Variants in SOS1 observed in about 807,000 individuals in gnomAD.
The protein encoded by SOS1 is son of sevenless homolog 1.
In SOS1, 25 loss-of-function variants were observed where a neutral mutation model predicts 157.6. That is an observed-to-expected ratio of 0.16 (90% confidence interval 0.12 to 0.22). The LOEUF is 0.22. Among genes scored for constraint, SOS1 ranks in the 10% least tolerant of loss-of-function variants. The pLI, the probability that SOS1 is intolerant of heterozygous loss-of-function variation, is 1.00. For missense variants in SOS1, 1,237 were observed against 1,599.1 expected (o/e 0.77, Z 3.86); for synonymous variants, 528 against 534.0 (o/e 0.99, Z 0.16).
At chr2:39,025,407 C>T (rs931078672) in intron 8 of SOS1, among the ~76,000 whole-genome samples, 3 of 151,306 alleles carry the variant, frequency 2.0e-5, no homozygotes, top group African/African-American at 4.9e-5. Flanking sequence ...TAGGGTGCAG[C>T]GGTGCAATCT....
At chr2:39,004,485 CAAAT>C (rs561241844) in intron 17 of SOS1, among the ~76,000 whole-genome samples, 2 of 131,274 alleles carry the variant, frequency 1.5e-5, no homozygotes, top group East Asian at 4.7e-4. Flanking sequence ...CCTAGATTAA[CAAAT>C]AAATAATTTG....
intron 13 of SOS1, among the ~76,000 whole-genome samples, chr2:39,012,679 A>G (rs1030143358): frequency 1.3e-5 from 2 of 152,170 alleles, no homozygotes; most frequent in African/African-American, 4.8e-5. Flanking sequence ...ATAATCCTCC[A>G]AGAAAAGGTA....
chr2:39,002,042 C>A (rs577216293), intron 17 of SOS1, among the ~76,000 whole-genome samples: 1 of 152,152 alleles, frequency 6.6e-6, no homozygotes, highest in Non-Finnish European at 1.5e-5. Context: ...TATGGCCAGG[C>A]GCAGTGGCTC....
At chr2:39,105,808 G>C (rs1454137025) in intron 1 of SOS1, among the ~76,000 whole-genome samples, 1 of 152,178 alleles carries the variant, frequency 6.6e-6, no homozygotes, top group Non-Finnish European at 1.5e-5. Context: ...GCTGAGGTAG[G>C]AGAGTCACTA....
chr2:38,991,883 T>C (rs1390049999), intron 20 of SOS1, among the ~76,000 whole-genome samples: 3 of 152,158 alleles, frequency 2.0e-5, no homozygotes, highest in Admixed American at 6.5e-5. Context: ...CTGAAATAAT[T>C]AATTATAGGT....
At chr2:39,018,900 C>G (rs1162083743) in intron 10 of SOS1, among the ~76,000 whole-genome samples, 1 of 151,796 alleles carries the variant, frequency 6.6e-6, no homozygotes, top group African/African-American at 2.4e-5. Flanking sequence ...AGACGCTATG[C>G]TGACGCACAA....
chr2:39,007,337 C>A, intron 15 of SOS1, 144 bp from the exon 16 acceptor site: 1 of 635,728 alleles, frequency 1.6e-6, no homozygotes, highest in African/African-American at 1.8e-5. Flanking sequence ...TTCAGGGTGA[C>A]TGATAGAAGG....
chr2:39,045,319 A>G (rs1670741254), intron 6 of SOS1, among the ~76,000 whole-genome samples: 3 of 141,278 alleles, frequency 2.1e-5, no homozygotes, highest in Admixed American at 1.5e-4. Context: ...CAAATGTGTT[A>G]GTCTAATCTT....
intron 17 of SOS1, among the ~76,000 whole-genome samples, chr2:39,005,355 T>C (rs1177676107): frequency 1.3e-5 from 2 of 152,040 alleles, no homozygotes; most frequent in African/African-American, 4.8e-5. Flanking sequence ...AAAAATAGTA[T>C]AAATGAAAAT....
chr2:39,035,456 C>T lies in SOS1; in HGVS notation c.909G>A (p.Leu303=). Reference sequence around the variant, plus strand: ...GGAAACGATCATGAAAACCAGGTCGCAAAATATCTCGAGCATACGATTCAT... The same window carrying T: ...GGAAACGATCATGAAAACCAGGTCGTAAAATATCTCGAGCATACGATTCAT... ...DPYESYARDI[L]RPGFHDRFLS... The change falls in exon 7 of 23, where the codon TTG becomes TTA. Residue 303 remains leucine (L), a synonymous_variant. Transcript: ENST00000402219. The T allele has an allele frequency of 6.2e-7, 1 of 1,613,716 alleles. No homozygotes were observed. The highest frequency in any genetic ancestry group is 2.2e-5 in the East Asian group (1 of 44,866).
At chr2:39,023,364 T>C (rs540875255) in intron 9 of SOS1, 139 bp from the exon 10 acceptor site, 92 of 598,834 alleles carry the variant, frequency 1.5e-4, no homozygotes, top group Admixed American at 2.1e-4. Context: ...AGATTAGAAT[T>C]ACAAAATTAC....
chr2:39,047,710 G>A (rs971351445), intron 6 of SOS1, among the ~76,000 whole-genome samples: 4 of 152,076 alleles, frequency 2.6e-5, no homozygotes, highest in African/African-American at 4.8e-5. Context: ...TCGCTCTGTC[G>A]CCCAGGCTGG....
Position 39,120,526 on chromosome 2 carries a change from C to T in SOS1, c.-104G>A. 2.7e-6 allele frequency: 3 copies of T among 1,131,804 alleles called. No homozygotes were observed. The highest frequency in any genetic ancestry group is 3.2e-6 in the Non-Finnish European group (3 of 925,090). The allele number at this position is 1,131,804 out of a possible 1,614,324, so 70.1% of individuals were successfully genotyped here. On this transcript the variant is annotated 5_prime_UTR_variant, in exon 1 of 23. Coordinates refer to ENST00000402219, the MANE Select transcript of SOS1 (RefSeq NM_005633.4). ...GCGCGGAACAGGGCCGCGGCCCCACCGGACGGCCCGGCCCCCTCCGGGCGC... is the reference window on the plus strand; with the variant it reads ...GCGCGGAACAGGGCCGCGGCCCCACTGGACGGCCCGGCCCCCTCCGGGCGC...
chr2:39,053,974 C>A (rs1465355988), intron 5 of SOS1, among the ~76,000 whole-genome samples: 1 of 151,738 alleles, frequency 6.6e-6, no homozygotes, highest in Non-Finnish European at 1.5e-5. Flanking sequence ...GTCGCCCAGG[C>A]TGGAGTGCAG....
In SOS1 at chr2:38,983,214, T is replaced by C. The variant is rs1386798185; in HGVS notation, c.*2610A>G. ...GCAGAATTTTGTAATGATGCATTTA[T>C]CTCCTCAGCCATTTCTGGTCCCTGA... is the stretch of plus-strand genomic sequence containing the variant. On this transcript the variant is annotated 3_prime_UTR_variant, in exon 23 of 23. Transcript: ENST00000402219. The C allele has an allele frequency of 6.6e-6, 1 of 152,172 alleles. No individual in the cohort carries two copies. Among genetic ancestry groups the C allele is most frequent in the Non-Finnish European group, 1.5e-5 (1 of 68,024 alleles). The allele number at this position is 152,172 out of a possible 1,614,324, so 9.4% of individuals were successfully genotyped here.
chr2:39,101,294 G>T (rs1289337405), intron 1 of SOS1, among the ~76,000 whole-genome samples: 1 of 152,100 alleles, frequency 6.6e-6, no homozygotes, highest in Non-Finnish European at 1.5e-5. Context: ...TGAGGGACCT[G>T]CCCCATGACC....
At chr2:39,008,840 G>C (rs1328862485) in intron 15 of SOS1, among the ~76,000 whole-genome samples, 1 of 152,034 alleles carries the variant, frequency 6.6e-6, no homozygotes, top group Non-Finnish European at 1.5e-5. Context: ...TGGAAAGGGG[G>C]CTGGGGAAGG....
chr2:39,013,703 T>C, intron 12 of SOS1, 140 bp from the exon 13 acceptor site: 1 of 887,964 alleles, frequency 1.1e-6, no homozygotes, highest in Non-Finnish European at 1.9e-6. Flanking sequence ...CAAAATTCTA[T>C]GTTAAGGCTT....
chr2:39,112,276 G>A (rs368885181), intron 1 of SOS1, among the ~76,000 whole-genome samples: 14 of 152,248 alleles, frequency 9.2e-5, no homozygotes, highest in African/African-American at 2.4e-4. Context: ...ACAACCACCA[G>A]ATCAACCCTA....
Sources: allele counts gnomAD v4.1 joint callset (sites outside exome capture counted in the v4.1 genomes callset), GRCh38; gene constraint gnomAD v4.1.1; transcripts MANE v1.5; gene names NCBI Gene and HGNC (gene_info 2026-07-23, HGNC 2026-07-21).